The following HECW2 variants were observed in gnomAD, a reference collection of about 807,000 sequenced individuals.
HECW2 encodes E3 ubiquitin-protein ligase HECW2.
Under a neutral mutation model 175.2 loss-of-function variants are expected in HECW2, and 61 were observed. The observed-to-expected ratio is 0.35, with a 90% CI of 0.28 to 0.43. HECW2 has a LOEUF of 0.43. HECW2 is among the 20% of genes least tolerant of loss of function. HECW2 has a pLI of 1.00. For missense variants in HECW2, 1,524 were observed against 2,000.5 expected, an observed-to-expected ratio of 0.76 and a Z score of 4.54; for synonymous variants, 671 against 731.0, an observed-to-expected ratio of 0.92 and a Z score of 1.32.
intron 3 of HECW2, among the ~76,000 whole-genome samples, chr2:196,335,643 C>G (rs968315634): frequency 1.3e-5 from 2 of 152,152 alleles, no homozygotes; most frequent in Non-Finnish European, 2.9e-5. Context: ...GAAAAATCCT[C>G]TTCCAGGAAT....
chr2:196,454,002 G>A (rs962887065), intron 1 of HECW2, among the ~76,000 whole-genome samples: 4 of 152,004 alleles, frequency 2.6e-5, no homozygotes, highest in Non-Finnish European at 4.4e-5. Flanking sequence ...ACTTCTATGG[G>A]TTTTGTTTGT....
chr2:196,510,195 C>A (rs1262742041), intron 1 of HECW2, among the ~76,000 whole-genome samples: 2 of 152,152 alleles, frequency 1.3e-5, no homozygotes, highest in East Asian at 3.9e-4. Flanking sequence ...TGGTTGCATT[C>A]ACTCTCAATC....
At chr2:196,279,535 C>CT (rs1690108281) in intron 14 of HECW2, among the ~76,000 whole-genome samples, 1 of 152,184 alleles carries the variant, frequency 6.6e-6, no homozygotes, top group South Asian at 2.1e-4. Flanking sequence ...CTCCACATCT[C>CT]TATCACCATA....
At chr2:196,334,316 T>C in intron 4 of HECW2, 108 bp downstream of exon 4, 3 of 801,514 alleles carry the variant, frequency 3.7e-6, no homozygotes, top group Non-Finnish European at 6.1e-6. Context: ...CTGTTATGTG[T>C]TTCCTTTTTC....
intron 2 of HECW2, among the ~76,000 whole-genome samples, chr2:196,354,725 G>A (rs944017801): frequency 6.6e-6 from 1 of 152,066 alleles, no homozygotes; most frequent in East Asian, 1.9e-4. Flanking sequence ...ATTATCAGGC[G>A]AATTCCACAA....
intron 2 of HECW2, among the ~76,000 whole-genome samples, chr2:196,375,100 A>C (rs1026666970): frequency 2.0e-5 from 3 of 151,812 alleles, no homozygotes; most frequent in African/African-American, 7.3e-5. Flanking sequence ...CAGAGGTAGC[A>C]GTGAGCTGAG....
chr2:196,446,663 A>C (rs755692462), intron 1 of HECW2, among the ~76,000 whole-genome samples: 2 of 152,256 alleles, frequency 1.3e-5, no homozygotes, highest in African/African-American at 2.4e-5. Context: ...AGATGTTGCA[A>C]ACACACAGGT....
At chr2:196,525,458 G>C (rs1340535601) in intron 1 of HECW2, among the ~76,000 whole-genome samples, 3 of 149,814 alleles carry the variant, frequency 2.0e-5, no homozygotes, top group South Asian at 2.2e-4. Context: ...CTTTTAATTG[G>C]ATAATTTAGT....
At position 196,343,709 on chromosome 2, in the gene HECW2, T is replaced by A; in HGVS notation, c.348A>T (p.Thr116=). 1 of 1,614,020 alleles carries A rather than the reference T, an allele frequency of 6.2e-7. No individual in the cohort carries two copies. Among genetic ancestry groups the A allele is most frequent in the Non-Finnish European group, 8.5e-7 (1 of 1,179,890 alleles). ...TTCTCCATACAATTTGCCCTTTTTGTGTTCCAGTCACACCCCTGTTCTTAG... is the reference window on the plus strand; with the variant it reads ...TTCTCCATACAATTTGCCCTTTTTGAGTTCCAGTCACACCCCTGTTCTTAG... ...WDSKNRGVTG[T]QKGQIVWRIE... Residue 116 remains threonine, a synonymous_variant, in exon 3 of 29, where the codon ACA becomes ACT. Transcript: ENST00000644978.
At chr2:196,470,417 T>A (rs1697148573) in intron 1 of HECW2, among the ~76,000 whole-genome samples, 1 of 152,260 alleles carries the variant, frequency 6.6e-6, no homozygotes. Context: ...TGAGTAAGGA[T>A]TAGTCCTAAA....
intron 13 of HECW2, among the ~76,000 whole-genome samples, chr2:196,293,927 A>C (rs974539793): frequency 3.9e-5 from 6 of 152,210 alleles, no homozygotes; most frequent in African/African-American, 1.4e-4. Context: ...CTGAGATCAC[A>C]ATAGACTGAG....
intron 1 of HECW2, among the ~76,000 whole-genome samples, chr2:196,478,339 T>G (rs913574135): frequency 1.3e-5 from 2 of 152,194 alleles, no homozygotes; most frequent in Admixed American, 1.3e-4. Context: ...TAACTCACAA[T>G]GGTTCTTGTG....
chr2:196,432,642 G>C (rs927932782), intron 2 of HECW2, among the ~76,000 whole-genome samples: 1 of 152,164 alleles, frequency 6.6e-6, no homozygotes, highest in South Asian at 2.1e-4. Flanking sequence ...ATCTAGAACA[G>C]AGTCATGAAA....
chr2:196,455,939 A>G (rs1696497371), intron 1 of HECW2, among the ~76,000 whole-genome samples: 1 of 152,166 alleles, frequency 6.6e-6, no homozygotes, highest in East Asian at 1.9e-4. Context: ...CTTTAACTTT[A>G]AGGATAACAT....
rs1015225552 is a variant in HECW2 at position 196,271,046 on chromosome 2, G to T, written c.3335+147C>A. On this transcript the variant is annotated intron_variant, in intron 17 of 28. Transcript: ENST00000644978. Reference sequence around the variant, plus strand: ...GAGAGAAGCCAGCACTACAATACCTGGTGATGATGACAAAATATTTGCATA... The same window carrying T: ...GAGAGAAGCCAGCACTACAATACCTTGTGATGATGACAAAATATTTGCATA... 5.7e-5 allele frequency: 35 copies of T among 615,036 alleles called. No individual in the cohort carries two copies. In the African/African-American group the frequency reaches 5.8e-4, roughly 10 times the overall value. 38.1% of individuals were successfully genotyped at this position (615,036 alleles called of 1,614,324 possible). A position where few individuals can be genotyped will look rare whatever the true frequency, so the allele number is the denominator to read the frequency against.
chr2:196,477,784 A>T (rs1686700852), intron 1 of HECW2, among the ~76,000 whole-genome samples: 1 of 152,034 alleles, frequency 6.6e-6, no homozygotes, highest in Non-Finnish European at 1.5e-5. Context: ...GGGTGCAGTG[A>T]CTCACACCTG....
intron 1 of HECW2, among the ~76,000 whole-genome samples, chr2:196,540,332 A>G (rs1315534779): frequency 6.6e-6 from 1 of 152,176 alleles, no homozygotes; most frequent in East Asian, 1.9e-4. Context: ...TCTTTAAATT[A>G]CTCCCCTAGA....
chr2:196,255,462 G>A (rs778059109), intron 18 of HECW2, among the ~76,000 whole-genome samples: 1 of 151,978 alleles, frequency 6.6e-6, no homozygotes, highest in Non-Finnish European at 1.5e-5. Flanking sequence ...CATGAATTGA[G>A]TTAGTGAAAA....
At chr2:196,376,397 G>A (rs1044450093) in intron 2 of HECW2, among the ~76,000 whole-genome samples, 5 of 152,128 alleles carry the variant, frequency 3.3e-5, no homozygotes, top group South Asian at 2.1e-4. Context: ...TTGGGAGGCC[G>A]AGGCAGATGA....
Sources: gnomAD v4.1 joint callset for allele counts (sites outside exome capture counted in the v4.1 genomes callset) on GRCh38, gnomAD v4.1.1 for gene constraint, MANE v1.5 for transcripts, NCBI Gene and HGNC (gene_info 2026-07-23, HGNC 2026-07-21) for gene names.